EXT1: variants seen among roughly 807,000 people sequenced by gnomAD.
EXT1 encodes exostosin-1.
A neutral mutation model predicts 82.5 loss-of-function variants in EXT1; 20 were observed. The observed-to-expected ratio is 0.24, with a 90% CI of 0.17 to 0.35. EXT1 has a LOEUF of 0.35. Among genes scored for constraint, EXT1 ranks in the 10% least tolerant of loss-of-function variants. EXT1 has a pLI of 1.00. For synonymous variants in EXT1, 348 were observed against 350.8 expected, an observed-to-expected ratio of 0.99 and a Z score of 0.09; for missense variants, 757 against 936.5, an observed-to-expected ratio of 0.81 and a Z score of 2.50.
At chr8:118,000,252 G>T (rs1187725892) in intron 1 of EXT1, among the ~76,000 whole-genome samples, 1 of 152,178 alleles carries the variant, frequency 6.6e-6, no homozygotes, top group Non-Finnish European at 1.5e-5. Context: ...GGAAACATGA[G>T]CCAGTCCATC....
intron 1 of EXT1, among the ~76,000 whole-genome samples, chr8:118,027,350 CACACA>C (rs1465805353): frequency 6.8e-6 from 1 of 147,730 alleles, no homozygotes; most frequent in African/African-American, 2.6e-5. Context: ...CACACACACA[CACACA>C]ATCGCATTTA....
intron 1 of EXT1, among the ~76,000 whole-genome samples, chr8:117,912,051 G>A (rs1813657924): frequency 6.6e-6 from 1 of 152,082 alleles, no homozygotes; most frequent in Non-Finnish European, 1.5e-5. Context: ...GGATAAGAGA[G>A]CTAATTTTTA....
intron 3 of EXT1, among the ~76,000 whole-genome samples, chr8:117,832,532 A>C (rs1456194182): frequency 8.4e-5 from 12 of 143,286 alleles, no homozygotes; most frequent in Admixed American, 8.0e-4. Flanking sequence ...AAAAAAAAAA[A>C]GAAAAGAAAA....
intron 1 of EXT1, among the ~76,000 whole-genome samples, chr8:118,039,188 T>C (rs1400763153): frequency 6.6e-6 from 1 of 152,232 alleles, no homozygotes; most frequent in Non-Finnish European, 1.5e-5. Flanking sequence ...GGAAGTATAC[T>C]TTTTACAAAG....
chr8:117,872,190 A>G (rs1271980837), intron 1 of EXT1, among the ~76,000 whole-genome samples: 2 of 151,996 alleles, frequency 1.3e-5, no homozygotes, highest in Non-Finnish European at 2.9e-5. Flanking sequence ...GAAAGAAAAA[A>G]TAAGATGATG....
chr8:118,023,955 T>C (rs1816155808), intron 1 of EXT1, among the ~76,000 whole-genome samples: 1 of 152,224 alleles, frequency 6.6e-6, no homozygotes. Flanking sequence ...TTGTGCCACA[T>C]GCTGGGAATA....
chr8:117,844,798 T>C (rs1812326494), intron 1 of EXT1, among the ~76,000 whole-genome samples: 1 of 152,094 alleles, frequency 6.6e-6, no homozygotes, highest in South Asian at 2.1e-4. Flanking sequence ...GCTGACCAGG[T>C]TGGCTGCAGC....
In EXT1 at chr8:117,858,789, GC is replaced by G. The variant is rs1354857981; in HGVS notation, c.963-21589del. Among the ~76,000 whole-genome samples, 179 of 120,200 alleles carry G rather than the reference GC, an allele frequency of 1.5e-3. 2 individuals carry two copies. Among genetic ancestry groups the G allele is most frequent in the African/African-American group, 1.8e-3 (38 of 21,480 alleles). 78.9% of individuals were successfully genotyped at this position (120,200 alleles called of 152,430 possible). A position where few individuals can be genotyped will look rare whatever the true frequency, so the allele number is the denominator to read the frequency against. The stretch of plus-strand genomic sequence containing the variant: ...GGAAGGCAGGCAGGCAGGCAGGCAG[GC>G]AAGGCAAGGCAAGGCAAGGCAGGAA... On this transcript the variant is annotated intron_variant, in intron 1 of 10. Transcript: ENST00000378204.
chr8:117,837,677 C>A (rs1812209697), intron 1 of EXT1, among the ~76,000 whole-genome samples: 1 of 152,068 alleles, frequency 6.6e-6, no homozygotes. Flanking sequence ...ATCACAGGCA[C>A]AAAACAACAT....
At chr8:118,034,286 T>G (rs950936003) in intron 1 of EXT1, among the ~76,000 whole-genome samples, 1 of 152,142 alleles carries the variant, frequency 6.6e-6, no homozygotes, top group Non-Finnish European at 1.5e-5. Flanking sequence ...CCCAGAAGGG[T>G]ACCATCATTT....
intron 10 of EXT1, among the ~76,000 whole-genome samples, chr8:117,802,425 CT>C (rs1297190361): frequency 2.6e-5 from 4 of 152,186 alleles, no homozygotes; most frequent in Non-Finnish European, 4.4e-5. Context: ...GTCCCATATA[CT>C]GTAATACCAT....
chr8:118,001,262 T>C (rs535909161), intron 1 of EXT1, among the ~76,000 whole-genome samples: 2 of 152,254 alleles, frequency 1.3e-5, no homozygotes, highest in East Asian at 1.9e-4. Flanking sequence ...TCTTGGCTCA[T>C]TGCAACTTCC....
chr8:118,018,067 T>G (rs1036148440), intron 1 of EXT1, among the ~76,000 whole-genome samples: 3 of 152,228 alleles, frequency 2.0e-5, no homozygotes, highest in Non-Finnish European at 4.4e-5. Context: ...TATAGAACAG[T>G]GTGATATATA....
At chr8:117,876,878 C>A (rs573033862) in intron 1 of EXT1, among the ~76,000 whole-genome samples, 3 of 152,168 alleles carry the variant, frequency 2.0e-5, no homozygotes, top group Non-Finnish European at 4.4e-5. Flanking sequence ...CAGTAAACAA[C>A]AAAATTGTAA....
At chr8:117,862,197 A>G (rs1270078294) in intron 1 of EXT1, among the ~76,000 whole-genome samples, 1 of 145,586 alleles carries the variant, frequency 6.9e-6, no homozygotes, top group African/African-American at 2.4e-5. Context: ...TGGACAGGGC[A>G]TTACAATCAT....
At chr8:117,875,604 C>G (rs1284524163) in intron 1 of EXT1, among the ~76,000 whole-genome samples, 1 of 152,108 alleles carries the variant, frequency 6.6e-6, no homozygotes, top group South Asian at 2.1e-4. Flanking sequence ...GGCAATCCTC[C>G]CAATGCATTC....
In EXT1 at chr8:118,090,734, G is replaced by A. The variant is rs538075454; in HGVS notation, c.962+19351C>T. 4.1e-5 allele frequency among the ~76,000 whole-genome samples: 5 copies of A among 123,270 alleles called. No individual in the cohort carries two copies. The South Asian group carries it at 1.3e-3, about 33-fold the overall frequency. 80.9% of individuals were successfully genotyped at this position (123,270 alleles called of 152,430 possible). A position where few individuals can be genotyped will look rare whatever the true frequency, so the allele number is the denominator to read the frequency against. On this transcript the variant is annotated intron_variant, in intron 1 of 10. Transcript: ENST00000378204. ...ACAGAGGTTGCAGTGGGCCAAGATA[G>A]GGCCACTGCACTCTAGCCTGGGTGA...
At chr8:117,826,832 T>C (rs1316188993) in intron 4 of EXT1, among the ~76,000 whole-genome samples, 1 of 152,124 alleles carries the variant, frequency 6.6e-6, no homozygotes, top group Non-Finnish European at 1.5e-5. Flanking sequence ...TAATACATGG[T>C]TTAAATACAA....
rs79679366 is a variant in EXT1, at chr8:118,041,014, A to T, written c.962+69071T>A. Reference sequence around the variant, plus strand: ...TCAAGCTTTGCCAGTAGATGGAATTAGGAGAGGTTAATACACACATTGTTG... The same window carrying T: ...TCAAGCTTTGCCAGTAGATGGAATTTGGAGAGGTTAATACACACATTGTTG... On this transcript the variant is annotated intron_variant, in intron 1 of 10. Coordinates refer to ENST00000378204, the MANE Select transcript of EXT1 (RefSeq NM_000127.3). Among the ~76,000 whole-genome samples, 417 of 152,344 alleles carry T rather than the reference A, an allele frequency of 2.7e-3. 6 individuals are homozygous for T. In the South Asian group the frequency reaches 0.037, roughly 13 times the overall value.
Sources: gnomAD v4.1 joint callset for allele counts (sites outside exome capture counted in the v4.1 genomes callset) on GRCh38, gnomAD v4.1.1 for gene constraint, MANE v1.5 for transcripts, NCBI Gene and HGNC (gene_info 2026-07-23, HGNC 2026-07-21) for gene names.